Variants in PCF11 observed in about 807,000 individuals in gnomAD.
PCF11 encodes pre-mRNA cleavage complex 2 protein Pcf11.
A neutral mutation model predicts 166.1 loss-of-function variants in PCF11; 19 were observed. That is an observed-to-expected ratio of 0.11 (90% CI 0.08 to 0.17). PCF11 has a LOEUF of 0.17. Ranked by LOEUF, PCF11 falls within the 10% of genes least tolerant of loss-of-function variation. The pLI is 1.00. For missense variants in PCF11, 1,565 were observed against 1,855.5 expected, an observed-to-expected ratio of 0.84 and a Z score of 2.88; for synonymous variants, 663 against 644.1, an observed-to-expected ratio of 1.03 and a Z score of -0.44.
At chr11:83,162,332 ACTATT>A (rs1404512453) in intron 2 of PCF11, among the ~76,000 whole-genome samples, 1 of 152,224 alleles carries the variant, frequency 6.6e-6, no homozygotes, top group Admixed American at 6.5e-5. Flanking sequence ...TTTTGGAAGA[ACTATT>A]CAGTATTAGA....
exon 16 of PCF11, chr11:83,185,019 G>A: frequency 1.7e-6 from 1 of 599,304 alleles, no homozygotes; most frequent in South Asian, 2.3e-5. Context: ...AGGGCCTTCA[G>A]CTATCATTTG....
intron 1 of PCF11, chr11:83,158,238 C>G (rs1227896743): frequency 6.6e-6 from 1 of 151,832 alleles, no homozygotes; most frequent in South Asian, 2.1e-4. Flanking sequence ...TCCCGTCAGC[C>G]CCATTTTGGG....
exon 8 of PCF11, chr11:83,169,614 A>G (rs779088633): frequency 3.7e-6 from 6 of 1,613,870 alleles, no homozygotes; most frequent in Non-Finnish European, 5.1e-6. Flanking sequence ...TACCTCAAAG[A>G]TTTGATGGTC....
exon 8 of PCF11, chr11:83,168,565 G>A (rs1237044443): frequency 3.7e-6 from 6 of 1,613,892 alleles, no homozygotes; most frequent in Non-Finnish European, 4.2e-6. Context: ...GCGACTTACA[G>A]CTTTAGCTGA....
At chr11:83,166,040 A>G (rs940039599) in exon 5 of PCF11, 1 of 1,602,202 alleles carries the variant, frequency 6.2e-7, no homozygotes, top group Non-Finnish European at 8.5e-7. Flanking sequence ...TATCTCACAC[A>G]AAAGACTTGA....
rs1313661365 is a variant in PCF11 at position 83,167,325 on chromosome 11, A to C, written c.2001+17A>C. The C allele has an allele frequency of 1.0e-5, 16 of 1,601,696 alleles. No individual in the cohort carries two copies. Among genetic ancestry groups the C allele is most frequent in the Admixed American group, 1.7e-5 (1 of 59,360 alleles). On this transcript the variant is annotated intron_variant, in intron 6 of 15. Transcript: ENST00000298281. This position sits in a 1 kb window ranked among gnomAD's most constrained non-coding sequence, Gnocchi z 4.2. The stretch of plus-strand genomic sequence containing the variant: ...CTTCAAAAGGTAGTTACTATGATTA[A>C]TCCCATGTAGTCATCATTATCTATC...
Position 83,163,882 on chromosome 11 carries a change from G to T in PCF11, c.507+15G>T. On this transcript the variant is annotated intron_variant, in intron 3 of 15. Transcript: ENST00000298281. ...TAAATAAATCGGTAAGTTTTAATATGAATAGTAAGTAACATACTTTTAAGT... is the reference window on the plus strand; with the variant it reads ...TAAATAAATCGGTAAGTTTTAATATTAATAGTAAGTAACATACTTTTAAGT... 2 of 1,178,160 alleles carry T rather than the reference G, an allele frequency of 1.7e-6. No individual in the cohort carries two copies. Among genetic ancestry groups the T allele is most frequent in the Admixed American group, 2.6e-5 (1 of 37,876 alleles). 73.0% of individuals were successfully genotyped at this position (1,178,160 alleles called of 1,614,324 possible).
At chr11:83,182,979 T>C (rs1398424513) in intron 14 of PCF11, 59 bp from the exon 15 acceptor site, 4 of 954,200 alleles carry the variant, frequency 4.2e-6, no homozygotes, top group Non-Finnish European at 6.4e-6. Flanking sequence ...AAAAGAAATA[T>C]CAGAATAGCC....
intron 10 of PCF11, 36 bp from the exon 11 acceptor site, chr11:83,177,678 G>A: frequency 9.4e-7 from 1 of 1,063,912 alleles, no homozygotes; most frequent in South Asian, 1.5e-5. Context: ...ATGGAGAATG[G>A]TATTAAGAAA....
chr11:83,178,062 C>G (rs2135441638), intron 11 of PCF11, among the ~76,000 whole-genome samples: 1 of 152,092 alleles, frequency 6.6e-6, no homozygotes, highest in Admixed American at 6.5e-5. Flanking sequence ...AGGCCACCCC[C>G]AAAAGTCTTA....
In PCF11 at chr11:83,167,171, A is replaced by G; in HGVS notation, c.1864A>G (p.Arg622Gly). ...TAGTAAACCTCCTCATCTGAGGCAT[A>G]GGGAGAGCTGGTCAAGCACTAAAGG... Residue 622 changes from arginine (R) to glycine (G), a missense_variant, in exon 6 of 16, where the codon AGG (arginine) becomes GGG (glycine). Coordinates refer to ENST00000298281, the Ensembl canonical transcript of PCF11. This position sits in a 1 kb window ranked among gnomAD's most constrained non-coding sequence, Gnocchi z 4.2. 1 of 1,613,622 alleles carries G rather than the reference A, an allele frequency of 6.2e-7. No homozygotes were observed. Among genetic ancestry groups the G allele is most frequent in the Non-Finnish European group, 8.5e-7 (1 of 1,179,598 alleles).
intron 1 of PCF11, 59 bp downstream of exon 1, chr11:83,157,690 C>T (rs1860045554): frequency 2.7e-6 from 4 of 1,474,484 alleles, no homozygotes; most frequent in Non-Finnish European, 3.8e-6. Flanking sequence ...TTAGTGTCAG[C>T]CTCATCCCAG....
At position 83,184,623 on chromosome 11, in the gene PCF11, T is replaced by C. The variant is rs979047003; in HGVS notation, c.4453-56T>C. The C allele has an allele frequency of 1.3e-5, 15 of 1,187,530 alleles. No individual in the cohort carries two copies. The Admixed American group carries it at 1.5e-4, about 12-fold the overall frequency. The allele number at this position is 1,187,530 out of a possible 1,614,324, so 73.6% of individuals were successfully genotyped here. On this transcript the variant is annotated intron_variant, in intron 15 of 15. Transcript: ENST00000298281. The stretch of plus-strand genomic sequence containing the variant: ...AAGGGTCTTACAAGACTAAATGTTA[T>C]TTAATGTGAGAATTTTGAACTTTCA...
In PCF11 at chr11:83,182,507, T is replaced by G. The variant is rs1273787170; in HGVS notation, c.4416+16T>G. The G allele has an allele frequency of 8.1e-7, 1 of 1,231,192 alleles. No homozygotes were observed. Among genetic ancestry groups the G allele is most frequent in the African/African-American group, 1.5e-5 (1 of 67,370 alleles). The allele number at this position is 1,231,192 out of a possible 1,614,324, so 76.3% of individuals were successfully genotyped here. On this transcript the variant is annotated intron_variant, in intron 14 of 15. Transcript: ENST00000298281. ...AGATGGAAAGGTAATTTTCATTTCT[T>G]TATAAGGAAGTGTTAAGATTAGTGT...
chr11:83,181,019 G>A (rs764294089), exon 12 of PCF11: 1 of 1,534,650 alleles, frequency 6.5e-7, no homozygotes, highest in Non-Finnish European at 8.9e-7. Context: ...CGTTATGACA[G>A]TGTTATAAAT....
chr11:83,175,485 C>T (rs183234495), intron 9 of PCF11, among the ~76,000 whole-genome samples: 219 of 151,970 alleles, frequency 1.4e-3, no homozygotes, highest in African/African-American at 5.0e-3. Flanking sequence ...GGCACTGTAG[C>T]TCACACCTGT....
chr11:83,167,489 A>G lies in PCF11; in HGVS notation c.2076A>G (p.Leu692=). 1 of 1,610,382 alleles carries G rather than the reference A, an allele frequency of 6.2e-7. No individual in the cohort carries two copies. The highest frequency in any genetic ancestry group is 8.5e-7 in the Non-Finnish European group (1 of 1,178,622). ...TTGTTGTGCATCAAATTCGACAGCT[A>G]TTTCAGTATCAAGAAGGTAAACATA... Residue 692 remains leucine, a synonymous_variant, in exon 7 of 16, where the codon CTA becomes CTG. Coordinates refer to ENST00000298281, the Ensembl canonical transcript of PCF11. This position sits in a 1 kb window ranked among gnomAD's most constrained non-coding sequence, Gnocchi z 4.2.
At position 83,167,170 on chromosome 11, in the gene PCF11, T is replaced by C; in HGVS notation, c.1863T>C (p.His621=). 5 of 1,613,618 alleles carry C rather than the reference T, an allele frequency of 3.1e-6. No individual in the cohort carries two copies. The highest frequency in any genetic ancestry group is 1.7e-5 in the Admixed American group (1 of 60,018). ...ATAGTAAACCTCCTCATCTGAGGCA[T>C]AGGGAGAGCTGGTCAAGCACTAAAG... The change falls in exon 6 of 16, where the codon CAT becomes CAC. Residue 621 remains histidine (H), a synonymous_variant. Transcript: ENST00000298281. This position sits in a 1 kb window ranked among gnomAD's most constrained non-coding sequence, Gnocchi z 4.2.
rs1212348798 is a variant in PCF11 at position 83,164,150 on chromosome 11, C to T, written c.508-57C>T. 4.1e-6 allele frequency: 5 copies of T among 1,232,608 alleles called. No individual in the cohort carries two copies. In the African/African-American group the frequency reaches 4.6e-5, roughly 11 times the overall value. The allele number at this position is 1,232,608 out of a possible 1,614,324, so 76.4% of individuals were successfully genotyped here. On this transcript the variant is annotated intron_variant, in intron 3 of 15. Transcript: ENST00000298281. ...AAGAGTTAAGCTGATAATTTTTACT[C>T]CCTAGCTTCCGTTTTAGCTGATACG...
Sources: allele counts gnomAD v4.1 joint callset (sites outside exome capture counted in the v4.1 genomes callset), GRCh38; gene constraint gnomAD v4.1.1; non-coding constraint Gnocchi (gnomAD v3.1); transcripts MANE v1.5; gene names NCBI Gene and HGNC (gene_info 2026-07-23, HGNC 2026-07-21).